Variants in RILPL1 observed in about 807,000 individuals in gnomAD.
The protein encoded by RILPL1 is Rab interacting lysosomal protein like 1, also known as RILP-like protein 1.
In RILPL1, 33 loss-of-function variants were observed where a neutral mutation model predicts 50.3. That is an observed-to-expected ratio of 0.66 (90% CI 0.50 to 0.88). The LOEUF (loss-of-function observed/expected upper bound fraction) is 0.88. Among genes scored for constraint, RILPL1 ranks in the 40% least tolerant of loss-of-function variants. RILPL1 has a pLI of 0.00. For missense variants in RILPL1, 418 were observed against 542.5 expected, an observed-to-expected ratio of 0.77 and a Z score of 2.28; for synonymous variants, 205 against 228.6, an observed-to-expected ratio of 0.90 and a Z score of 0.93.
chr12:123,526,083 A>G lies in RILPL1; in HGVS notation c.310-2438T>C, dbSNP rs186907258. ...CACCTTGGGAGGCCAAGGCAGGCGG[A>G]TCACTTGAGGTCAGGAGTTTGAGAC... On this transcript the variant is annotated intron_variant, in intron 1 of 6. Transcript: ENST00000376874. Among the ~76,000 whole-genome samples, 299 of 152,240 alleles carry G rather than the reference A, an allele frequency of 2.0e-3. 2 individuals carry two copies. Among genetic ancestry groups the G allele is most frequent in the African/African-American group, 6.7e-3 (279 of 41,556 alleles).
At position 123,522,492 on chromosome 12, in the gene RILPL1, C is replaced by A. The variant is rs1885103520; in HGVS notation, c.460+1003G>T. Among the ~76,000 whole-genome samples the A allele has an allele frequency of 6.6e-6, 1 of 152,214 alleles. No homozygotes were observed. The highest frequency in any genetic ancestry group is 1.5e-5 in the Non-Finnish European group (1 of 68,038). ...CTGTGATAAGAGCCTCCAATCTCTT[C>A]CCAGCACACTTAGAATAAAATCCAA... On this transcript the variant is annotated intron_variant, in intron 2 of 6. Coordinates refer to ENST00000376874, the MANE Select transcript of RILPL1 (RefSeq NM_178314.5). The surrounding 1 kb of genome is among the most constrained non-coding windows in gnomAD (Gnocchi z 4.0).
At position 123,522,196 on chromosome 12, in the gene RILPL1, C is replaced by G. The variant is rs1440308395; in HGVS notation, c.460+1299G>C. On this transcript the variant is annotated intron_variant, in intron 2 of 6. Transcript: ENST00000376874. The surrounding 1 kb of genome is among the most constrained non-coding windows in gnomAD (Gnocchi z 4.0). Reference sequence around the variant, plus strand: ...TCATGTGGGGAGCTAAGGAGTTTCTCAGAAGTATTGACTCTGAGCTTTCCT... The same window carrying G: ...TCATGTGGGGAGCTAAGGAGTTTCTGAGAAGTATTGACTCTGAGCTTTCCT... 6.6e-6 allele frequency among the ~76,000 whole-genome samples: 1 copy of G among 152,210 alleles called. No homozygotes were observed. The highest frequency in any genetic ancestry group is 1.5e-5 in the Non-Finnish European group (1 of 68,030).
intron 6 of RILPL1, among the ~76,000 whole-genome samples, chr12:123,479,540 C>G (rs1167606480): frequency 6.6e-6 from 1 of 152,210 alleles, no homozygotes; most frequent in Non-Finnish European, 1.5e-5. Flanking sequence ...AGATCTGTCC[C>G]TGCCCAGGCC....
chr12:123,495,399 G>C (rs1882960282), intron 4 of RILPL1, among the ~76,000 whole-genome samples: 1 of 145,064 alleles, frequency 6.9e-6, no homozygotes, highest in African/African-American at 2.6e-5. Flanking sequence ...TTTTGAGACA[G>C]AGTCTCACTC....
intron 2 of RILPL1, among the ~76,000 whole-genome samples, chr12:123,501,784 G>GA (rs1227769231): frequency 6.9e-6 from 1 of 145,126 alleles, no homozygotes; most frequent in Non-Finnish European, 1.5e-5. Context: ...AGAAAGAAAA[G>GA]AAAAAAAACA....
intron 6 of RILPL1, among the ~76,000 whole-genome samples, chr12:123,476,579 G>A (rs1396182877): frequency 6.6e-6 from 1 of 152,114 alleles, no homozygotes; most frequent in Non-Finnish European, 1.5e-5. Context: ...GAGATGGCAT[G>A]TGAGGAAGGT....
At chr12:123,510,169 C>T (rs1282137640) in intron 2 of RILPL1, among the ~76,000 whole-genome samples, 9 of 152,246 alleles carry the variant, frequency 5.9e-5, no homozygotes, top group Admixed American at 2.0e-4. Context: ...ACCCTCTCCC[C>T]GTCAGCTCTG....
chr12:123,495,770 T>A (rs1000128712), intron 4 of RILPL1, among the ~76,000 whole-genome samples: 19 of 141,758 alleles, frequency 1.3e-4, no homozygotes, highest in Non-Finnish European at 2.4e-4. Context: ...AACCTCCGCC[T>A]CCTGGGTTCA....
chr12:123,484,112 A>C, intron 6 of RILPL1, 68 bp downstream of exon 6: 1 of 1,007,056 alleles, frequency 9.9e-7, no homozygotes, highest in South Asian at 1.4e-5. Context: ...GGTGCCAAGG[A>C]GGAAAAGTCA....
intron 1 of RILPL1, among the ~76,000 whole-genome samples, chr12:123,527,376 C>T (rs28701527): frequency 0.56 from 84,039 of 150,866 alleles, 25,328 homozygotes; most frequent in East Asian, 0.9. Flanking sequence ...TGATGGCTTA[C>T]GCCTATAATC....
chr12:123,476,782 C>A (rs181381545), intron 6 of RILPL1, among the ~76,000 whole-genome samples: 65 of 152,314 alleles, frequency 4.3e-4, no homozygotes, highest in Non-Finnish European at 5.9e-5. Context: ...TATTGAAGCC[C>A]CTGAGTCTGC....
chr12:123,527,560 C>T (rs1025140554), intron 1 of RILPL1, among the ~76,000 whole-genome samples: 9 of 151,508 alleles, frequency 5.9e-5, no homozygotes, highest in African/African-American at 2.2e-4. Flanking sequence ...TCACTTGAAC[C>T]TGGGAGGCAG....
rs749053357 is a variant in RILPL1, at chr12:123,533,378, G to C, written c.105C>G (p.Gly35=). The part of the protein sequence containing the change: ...MDVYDIASLV[G]HEFERVIDQH... ...GGTCAATGACCCGCTCGAACTCGTGGCCCACAAGCGACGCGATGTCGTACA... is the reference window on the plus strand; with the variant it reads ...GGTCAATGACCCGCTCGAACTCGTGCCCCACAAGCGACGCGATGTCGTACA... Residue 35 remains glycine (G), a synonymous_variant, in exon 1 of 7, where the codon GGC becomes GGG. Transcript: ENST00000376874. The surrounding 1 kb of genome is among the most constrained non-coding windows in gnomAD (Gnocchi z 6.2). 2 of 1,565,560 alleles carry C rather than the reference G, an allele frequency of 1.3e-6. No homozygotes were observed. The highest frequency in any genetic ancestry group is 1.7e-6 in the Non-Finnish European group (2 of 1,156,948).
intron 2 of RILPL1, among the ~76,000 whole-genome samples, chr12:123,504,003 A>G (rs1026886967): frequency 1.0e-5 from 1 of 99,260 alleles, no homozygotes; most frequent in Non-Finnish European, 2.4e-5. Context: ...TCTATCTCAA[A>G]AAAAAAAAAA....
Position 123,484,173 on chromosome 12 carries a change from C to G in RILPL1, c.1067+7G>C. ...CCGAGCGCAGAAGCTGGCAGCGCATCACTTACAGTCGCTTGATGCCCGACT... is the reference window on the plus strand; with the variant it reads ...CCGAGCGCAGAAGCTGGCAGCGCATGACTTACAGTCGCTTGATGCCCGACT... On this transcript the variant is annotated splice_region_variant and intron_variant, in intron 6 of 6. Transcript: ENST00000376874. 3 of 1,595,544 alleles carry G rather than the reference C, an allele frequency of 1.9e-6. No homozygotes were observed. Among genetic ancestry groups the G allele is most frequent in the Non-Finnish European group, 2.6e-6 (3 of 1,165,060 alleles).
intron 2 of RILPL1, among the ~76,000 whole-genome samples, chr12:123,511,430 CTG>C (rs1303398176): frequency 3.8e-4 from 17 of 44,462 alleles, no homozygotes; most frequent in African/African-American, 2.3e-3. Context: ...TGTGAGGTCT[CTG>C]TGTGTGTGGT....
At position 123,533,277 on chromosome 12, in the gene RILPL1, C is replaced by T. The variant is rs766920490; in HGVS notation, c.206G>A (p.Ser69Asn). ...RVLEILEVLV[S>N]RHHVAPELDE... ...CAGCTCGGGCGCGACGTGGTGGCGG[C>T]TGACCAGCACCTCCAGGATCTCCAG... The change falls in exon 1 of 7, where the codon AGC (serine) becomes AAC (asparagine). Residue 69 changes from serine (S) to asparagine (N), a missense_variant. Physicochemically the swap from Ser to Asn is conservative, Grantham distance 46. Coordinates refer to ENST00000376874, the MANE Select transcript of RILPL1 (RefSeq NM_178314.5). This position sits in a 1 kb window ranked among gnomAD's most constrained non-coding sequence, Gnocchi z 6.2. The T allele has an allele frequency of 6.3e-7, 1 of 1,587,312 alleles. No individual in the cohort carries two copies. Among genetic ancestry groups the T allele is most frequent in the Non-Finnish European group, 8.5e-7 (1 of 1,172,450 alleles).
intron 2 of RILPL1, among the ~76,000 whole-genome samples, chr12:123,507,874 G>A (rs1883848390): frequency 6.7e-6 from 1 of 149,446 alleles, no homozygotes; most frequent in African/African-American, 2.5e-5. Flanking sequence ...CCGGGAGGTG[G>A]AAGTTGCAGT....
In RILPL1 at chr12:123,485,130, T is replaced by C. The variant is rs1181203992; in HGVS notation, c.974+503A>G. The C allele has an allele frequency of 5.3e-5, 24 of 456,122 alleles. No homozygotes were observed. Among genetic ancestry groups the C allele is most frequent in the Middle Eastern group, 3.2e-4 (1 of 3,092 alleles). The allele number at this position is 456,122 out of a possible 1,614,324, so 28.3% of individuals were successfully genotyped here. On this transcript the variant is annotated intron_variant, in intron 5 of 6. Transcript: ENST00000376874. This position sits in a 1 kb window ranked among gnomAD's most constrained non-coding sequence, Gnocchi z 4.0. ...ACAGATATTTGTTGTGCACCTACTG[T>C]GTGCCAAGCTCCATTCTAAGTGCTG... is the stretch of plus-strand genomic sequence containing the variant.
Sources: allele counts gnomAD v4.1 joint callset (sites outside exome capture counted in the v4.1 genomes callset), GRCh38; gene constraint gnomAD v4.1.1; non-coding constraint Gnocchi (gnomAD v3.1); transcripts MANE v1.5; gene names NCBI Gene and HGNC (gene_info 2026-07-23, HGNC 2026-07-21).